The following RASGRF1 variants were observed in gnomAD, a reference collection of about 807,000 sequenced individuals.
RASGRF1 encodes the protein ras-specific guanine nucleotide-releasing factor 1.
A neutral mutation model predicts 138.7 loss-of-function variants in RASGRF1; 40 were observed. That is an observed-to-expected ratio of 0.29 (90% CI 0.22 to 0.38). The LOEUF (loss-of-function observed/expected upper bound fraction) is 0.38, where lower values mean the gene tolerates loss of function less well. Ranked by LOEUF, RASGRF1 falls within the 10% of genes least tolerant of loss-of-function variation. RASGRF1 has a pLI of 1.00. For missense variants in RASGRF1, 1,108 were observed against 1,650.4 expected (o/e 0.67, Z 5.69); for synonymous variants, 614 against 663.2 (o/e 0.93, Z 1.14).
rs777759354 is a variant in RASGRF1 at position 78,985,000 on chromosome 15, C to T, written c.3414+7G>A. ...GGGAGGCAGTGGTGCCAGCCTCCTGCCCGCACCTGCTTAGAGACTTTGAGC... is the reference window on the plus strand; with the variant it reads ...GGGAGGCAGTGGTGCCAGCCTCCTGTCCGCACCTGCTTAGAGACTTTGAGC... On this transcript the variant is annotated splice_region_variant and intron_variant, in intron 23 of 26. Coordinates refer to ENST00000558480, the MANE Select transcript of RASGRF1 (RefSeq NM_001145648.3). 1.2e-6 allele frequency: 2 copies of T among 1,613,662 alleles called. No homozygotes were observed. The highest frequency in any genetic ancestry group is 1.7e-6 in the Non-Finnish European group (2 of 1,179,540).
At chr15:79,065,722 G>A (rs976653381) in intron 1 of RASGRF1, among the ~76,000 whole-genome samples, 2 of 152,088 alleles carry the variant, frequency 1.3e-5, no homozygotes, top group Non-Finnish European at 2.9e-5. Context: ...CTGTTCAGAG[G>A]ATGCACCACG....
At position 78,999,848 on chromosome 15, in the gene RASGRF1, G is replaced by A. The variant is rs775020496; in HGVS notation, c.2641C>T (p.Arg881Cys). 1.3e-5 allele frequency: 21 copies of A among 1,614,036 alleles called. No homozygotes were observed. Among genetic ancestry groups the A allele is most frequent in the East Asian group, 4.5e-5 (2 of 44,892 alleles). Reference protein sequence around the residue: ...MTSCRELDNNRSALSAASAFA... With the variant: ...MTSCRELDNNCSALSAASAFA... ...GCAGAGGCGGCCGACAAGGCACTGC[G>A]GTTATTGTCCAGTTCACGACAGGAG... Residue 881 changes from arginine (R) to cysteine (C), a missense_variant, in exon 17 of 27, where the codon CGC becomes TGC. This residue lies in a region of RASGRF1 where 686 missense variants were observed against 976.7 expected (regional missense o/e 0.70). Coordinates refer to ENST00000558480, the MANE Select transcript of RASGRF1 (RefSeq NM_001145648.3).
At chr15:79,000,895 G>C (rs2141696257) in intron 16 of RASGRF1, among the ~76,000 whole-genome samples, 1 of 152,302 alleles carries the variant, frequency 6.6e-6, no homozygotes, top group Non-Finnish European at 1.5e-5. Context: ...TTGAAAGCCT[G>C]GATAGTGGGG....
chr15:79,004,046 C>T lies in RASGRF1; in HGVS notation c.2205G>A (p.Pro735=), dbSNP rs147668252. The T allele has an allele frequency of 1.4e-4, 232 of 1,614,036 alleles. No homozygotes were observed. The highest frequency in any genetic ancestry group is 7.8e-4 in the East Asian group (35 of 44,876). The change falls in exon 15 of 27, where the codon CCG becomes CCA. Residue 735 remains proline, a synonymous_variant. Coordinates refer to ENST00000558480, the MANE Select transcript of RASGRF1 (RefSeq NM_001145648.3). ...PPLSITKTSS[P]SRRRKLSLNI... ...TCAGGGAGAGCTTCCGCCGGCGGCT[C>T]GGTGACGATGTCTTGGTGATGGACA...
Position 78,985,169 on chromosome 15 carries a change from A to C in RASGRF1, c.3252T>G (p.Asn1084Lys), listed in dbSNP as rs2230518. The change falls in exon 23 of 27, where the codon AAT becomes AAG. Residue 1084 changes from asparagine to lysine, a missense_variant. Coordinates refer to ENST00000558480, the MANE Select transcript of RASGRF1 (RefSeq NM_001145648.3). ...SNLIASEIIR[N>K]EDINARVSAI... ...CGCTCACCCTGGCGTTGATGTCCTC[A>C]TTGCGGATGATTTCTGAAGCAATCA... 1 of 1,612,296 alleles carries C rather than the reference A, an allele frequency of 6.2e-7. No individual in the cohort carries two copies. The highest frequency in any genetic ancestry group is 1.7e-5 in the Admixed American group (1 of 59,990).
intron 1 of RASGRF1, among the ~76,000 whole-genome samples, chr15:79,079,457 C>A (rs1263862770): frequency 6.1e-3 from 811 of 132,644 alleles, no homozygotes; most frequent in Non-Finnish European, 6.6e-3. Flanking sequence ...AGAGACTGGC[C>A]AAAAAAAAAA....
chr15:79,004,596 G>T, intron 14 of RASGRF1: 1 of 972,484 alleles, frequency 1.0e-6, no homozygotes, highest in Non-Finnish European at 1.2e-6. Flanking sequence ...GAGGCTCAGA[G>T]ACAGGAAATG....
chr15:79,014,625 C>G (rs1313930506), intron 13 of RASGRF1, among the ~76,000 whole-genome samples: 1 of 152,080 alleles, frequency 6.6e-6, no homozygotes, highest in Non-Finnish European at 1.5e-5. Context: ...TAAAAGACTA[C>G]AAATTGGAGC....
At chr15:78,995,224 T>C (rs1331353070) in intron 20 of RASGRF1, among the ~76,000 whole-genome samples, 1 of 151,294 alleles carries the variant, frequency 6.6e-6, no homozygotes, top group Non-Finnish European at 1.5e-5. Context: ...CCACCACGCC[T>C]GGCCTCCCTC....
At chr15:78,980,240 A>G (rs1320001106) in intron 24 of RASGRF1, 3 of 162,340 alleles carry the variant, frequency 1.8e-5, no homozygotes, top group African/African-American at 7.2e-5. Flanking sequence ...TGAAAAAGGA[A>G]ACACAATTGT....
At chr15:79,019,941 A>G in intron 11 of RASGRF1, 100 bp downstream of exon 11, 1 of 1,448,766 alleles carries the variant, frequency 6.9e-7, no homozygotes, top group Non-Finnish European at 9.5e-7. Flanking sequence ...AGCATCCTCC[A>G]TTCCTCCCAA....
At chr15:79,017,496 A>G (rs2056895428) in intron 12 of RASGRF1, among the ~76,000 whole-genome samples, 1 of 152,174 alleles carries the variant, frequency 6.6e-6, no homozygotes, top group African/African-American at 2.4e-5. Context: ...GGGTCCAGGA[A>G]ACTGAAGTTT....
chr15:79,045,048 CA>C (rs1320713220), intron 5 of RASGRF1, among the ~76,000 whole-genome samples: 1 of 151,952 alleles, frequency 6.6e-6, no homozygotes, highest in African/African-American at 2.4e-5. Flanking sequence ...GCCTAAAATG[CA>C]AAAAAAGCAC....
intron 20 of RASGRF1, among the ~76,000 whole-genome samples, chr15:78,995,526 T>G (rs190637673): frequency 1.3e-5 from 2 of 152,246 alleles, no homozygotes; most frequent in African/African-American, 4.8e-5. Flanking sequence ...TGACCTCAGG[T>G]GATCTGCCCA....
At chr15:78,970,860 A>G (rs1192865485) in intron 26 of RASGRF1, among the ~76,000 whole-genome samples, 1 of 144,804 alleles carries the variant, frequency 6.9e-6, no homozygotes, top group East Asian at 2.1e-4. Flanking sequence ...CCATTCTCTT[A>G]CATGGCCTTG....
At chr15:78,971,157 A>G (rs1352415510) in intron 26 of RASGRF1, among the ~76,000 whole-genome samples, 1 of 152,202 alleles carries the variant, frequency 6.6e-6, no homozygotes, top group Non-Finnish European at 1.5e-5. Context: ...AGGCCCTCAG[A>G]GCAGCACAGA....
At chr15:79,024,050 C>CACACAT (rs889680829) in intron 10 of RASGRF1, among the ~76,000 whole-genome samples, 1 of 150,972 alleles carries the variant, frequency 6.6e-6, no homozygotes, top group African/African-American at 2.4e-5. Flanking sequence ...AACACACACA[C>CACACAT]ACACATACAC....
chr15:79,018,611 C>T (rs926832854), intron 11 of RASGRF1, among the ~76,000 whole-genome samples: 4 of 152,186 alleles, frequency 2.6e-5, no homozygotes, highest in Non-Finnish European at 1.5e-5. Flanking sequence ...TGGTTTCCTT[C>T]CCCCTCTGGG....
chr15:78,962,324 A>T, intron 26 of RASGRF1, 88 bp from the exon 27 acceptor site: 3 of 959,746 alleles, frequency 3.1e-6, no homozygotes, highest in Non-Finnish European at 4.8e-6. Flanking sequence ...CTAGGGCCCA[A>T]GCCTCTTACT....
Sources: allele counts gnomAD v4.1 joint callset (sites outside exome capture counted in the v4.1 genomes callset), GRCh38; gene constraint gnomAD v4.1.1; regional missense constraint gnomAD v4.1.1; transcripts MANE v1.5; gene names NCBI Gene and HGNC (gene_info 2026-07-23, HGNC 2026-07-21).